TNKS: variants seen among roughly 807,000 people sequenced by gnomAD.
The protein encoded by TNKS is poly [ADP-ribose] polymerase tankyrase-1.
A neutral mutation model predicts 135.8 loss-of-function variants in TNKS; 72 were observed. The observed-to-expected ratio is 0.53, with a 90% CI of 0.44 to 0.64. The LOEUF (loss-of-function observed/expected upper bound fraction) is 0.64, where lower values mean the gene tolerates loss of function less well. Ranked by LOEUF, TNKS falls within the 30% of genes least tolerant of loss-of-function variation. TNKS has a pLI of 0.00. For missense variants in TNKS, 1,769 were observed against 1,674.0 expected, an observed-to-expected ratio of 1.06 and a Z score of -0.99; for synonymous variants, 849 against 649.3, an observed-to-expected ratio of 1.31 and a Z score of -4.68.
intron 3 of TNKS, among the ~76,000 whole-genome samples, chr8:9,626,346 A>T (rs1800052606): frequency 6.6e-6 from 1 of 152,182 alleles, no homozygotes; most frequent in Non-Finnish European, 1.5e-5. Flanking sequence ...TTTCTCATCC[A>T]TGCTGACAAT....
At chr8:9,571,436 G>C (rs1238399832) in intron 1 of TNKS, among the ~76,000 whole-genome samples, 1 of 152,040 alleles carries the variant, frequency 6.6e-6, no homozygotes, top group Non-Finnish European at 1.5e-5. Flanking sequence ...ATGATTTCTG[G>C]GGCAGAAAGT....
chr8:9,744,387 G>A (rs945115731), intron 17 of TNKS, among the ~76,000 whole-genome samples: 1 of 152,080 alleles, frequency 6.6e-6, no homozygotes, highest in African/African-American at 2.4e-5. Context: ...CTCTAAAATG[G>A]ATAACATTTG....
At chr8:9,655,957 G>A (rs1241258706) in intron 3 of TNKS, among the ~76,000 whole-genome samples, 1 of 152,180 alleles carries the variant, frequency 6.6e-6, no homozygotes, top group Non-Finnish European at 1.5e-5. Flanking sequence ...GCTAAAGGAG[G>A]AGGTTTGAAC....
chr8:9,714,567 C>T (rs1007470185), intron 11 of TNKS, among the ~76,000 whole-genome samples: 1 of 152,016 alleles, frequency 6.6e-6, no homozygotes, highest in Non-Finnish European at 1.5e-5. Context: ...GCAAAATAAT[C>T]AAGACTGTAG....
intron 2 of TNKS, among the ~76,000 whole-genome samples, chr8:9,583,708 C>T (rs1435395129): frequency 5.3e-5 from 8 of 151,928 alleles, no homozygotes; most frequent in South Asian, 2.1e-4. Flanking sequence ...AGGATGCTCT[C>T]GATCTCTTGA....
rs901919269 is a variant in TNKS at position 9,720,375 on chromosome 8, T to C, written c.1751T>C (p.Met584Thr). The change falls in exon 12 of 27, where the codon ATG becomes ACG. Residue 584 changes from methionine to threonine, a missense_variant and splice_region_variant. By Grantham distance (81) the Met-to-Thr change is moderately conservative. Coordinates refer to ENST00000310430, the MANE Select transcript of TNKS (RefSeq NM_003747.3). ...TGTGCCCACGCAATGATTTTTCAGA[T>C]GAATGCACTGGACACCCTTGGTCAG... ...MEVLHKHGAKMNALDTLGQTA... is the reference protein window; with the variant it reads ...MEVLHKHGAKTNALDTLGQTA... 1.9e-6 allele frequency: 3 copies of C among 1,596,714 alleles called. No individual in the cohort carries two copies. Among genetic ancestry groups the C allele is most frequent in the African/African-American group, 1.3e-5 (1 of 74,256 alleles).
intron 2 of TNKS, among the ~76,000 whole-genome samples, chr8:9,585,656 TC>T (rs1798349396): frequency 6.6e-6 from 1 of 152,200 alleles, no homozygotes; most frequent in Non-Finnish European, 1.5e-5. Context: ...AAAGAACAGT[TC>T]TGCAGCCTTT....
At chr8:9,640,725 T>C (rs1380121022) in intron 3 of TNKS, among the ~76,000 whole-genome samples, 2 of 146,076 alleles carry the variant, frequency 1.4e-5, no homozygotes, top group Non-Finnish European at 3.0e-5. Flanking sequence ...GGTCATGTTG[T>C]TCTCTGGTTG....
intron 4 of TNKS, among the ~76,000 whole-genome samples, chr8:9,680,385 G>T (rs1347605699): frequency 6.6e-6 from 1 of 151,822 alleles, no homozygotes; most frequent in East Asian, 1.9e-4. Context: ...TAATTTAATT[G>T]ATTAGCTCTT....
At chr8:9,720,264 T>C in intron 11 of TNKS, 110 bp from the exon 12 acceptor site, 2 of 1,079,010 alleles carry the variant, frequency 1.9e-6, no homozygotes, top group Non-Finnish European at 2.5e-6. Flanking sequence ...TATGAGACTT[T>C]TTAAAAGCTT....
At chr8:9,614,785 A>G (rs1415566864) in intron 2 of TNKS, among the ~76,000 whole-genome samples, 1 of 152,124 alleles carries the variant, frequency 6.6e-6, no homozygotes, top group Non-Finnish European at 1.5e-5. Context: ...CTCCCTACGT[A>G]TACACACCAC....
intron 12 of TNKS, among the ~76,000 whole-genome samples, chr8:9,721,077 C>A (rs1214711541): frequency 6.6e-6 from 1 of 151,764 alleles, no homozygotes; most frequent in African/African-American, 2.4e-5. Flanking sequence ...GACAGGAGAT[C>A]GAGACCATCT....
chr8:9,579,631 G>T (rs1229757853), intron 1 of TNKS, among the ~76,000 whole-genome samples: 1 of 152,060 alleles, frequency 6.6e-6, no homozygotes, highest in Non-Finnish European at 1.5e-5. Flanking sequence ...ATCACGCCTG[G>T]CTAATTTTTG....
intron 11 of TNKS, among the ~76,000 whole-genome samples, chr8:9,713,819 T>C (rs1159310512): frequency 6.6e-6 from 1 of 152,200 alleles, no homozygotes; most frequent in African/African-American, 2.4e-5. Context: ...TGTAAGAAAC[T>C]CACTTAGCTA....
Position 9,717,822 on chromosome 8 carries a change from G to T in TNKS, c.1750-2552G>T, listed in dbSNP as rs558473017. ...AGAAGTATAGATTGATTTATATTCA[G>T]AGGAATAAACAGTTATTTCTGTTGG... On this transcript the variant is annotated intron_variant, in intron 11 of 26. Coordinates refer to ENST00000310430, the MANE Select transcript of TNKS (RefSeq NM_003747.3). Among the ~76,000 whole-genome samples the T allele has an allele frequency of 2.0e-5, 3 of 152,256 alleles. No individual in the cohort carries two copies. In the South Asian group the frequency reaches 6.2e-4, roughly 32 times the overall value.
intron 1 of TNKS, among the ~76,000 whole-genome samples, chr8:9,570,638 A>T (rs1336607585): frequency 6.6e-6 from 1 of 152,206 alleles, no homozygotes; most frequent in Non-Finnish European, 1.5e-5. Context: ...TATATGGCCC[A>T]TGTTCCATTC....
intron 18 of TNKS, among the ~76,000 whole-genome samples, chr8:9,749,946 T>G (rs1175684731): frequency 6.6e-6 from 1 of 152,220 alleles, no homozygotes; most frequent in Non-Finnish European, 1.5e-5. Flanking sequence ...TAGTCCAAAC[T>G]AGTACAACTC....
At position 9,730,975 on chromosome 8, in the gene TNKS, G is replaced by A. The variant is rs1330333546; in HGVS notation, c.2087G>A (p.Arg696His). 2.5e-6 allele frequency: 4 copies of A among 1,614,010 alleles called. No individual in the cohort carries two copies. The highest frequency in any genetic ancestry group is 1.7e-5 in the Admixed American group (1 of 59,990). ...TPLHFAAGYN[R>H]VSVVEYLLHH... ...TTACACTTCGCAGCAGGCTACAACC[G>A]CGTGTCTGTTGTAGAGTACCTGCTA... The change falls in exon 14 of 27, where the codon CGC becomes CAC. Residue 696 changes from arginine (R) to histidine (H), a missense_variant. By Grantham distance (29) the Arg-to-His change is conservative (BLOSUM62 0). Transcript: ENST00000310430.
chr8:9,707,073 A>C lies in TNKS; in HGVS notation c.1456+76A>C, dbSNP rs1804083556. 4 of 1,258,976 alleles carry C rather than the reference A, an allele frequency of 3.2e-6. No individual in the cohort carries two copies. In the Admixed American group the frequency reaches 1.2e-4, roughly 39 times the overall value. The allele number at this position is 1,258,976 out of a possible 1,614,324, so 78.0% of individuals were successfully genotyped here. ...TTCTGTTGAGTTTTATCTACCTTAA[A>C]TAATAACCTTCCATTCTTACAAGCA... On this transcript the variant is annotated intron_variant, in intron 8 of 26. Coordinates refer to ENST00000310430, the MANE Select transcript of TNKS (RefSeq NM_003747.3).
Sources: allele counts gnomAD v4.1 joint callset (sites outside exome capture counted in the v4.1 genomes callset), GRCh38; gene constraint gnomAD v4.1.1; transcripts MANE v1.5; gene names NCBI Gene and HGNC (gene_info 2026-07-23, HGNC 2026-07-21).